Variants in ZNF740 observed in about 807,000 individuals in gnomAD.
ZNF740 encodes zinc finger protein 740.
A neutral mutation model predicts 24.8 loss-of-function variants in ZNF740; 14 were observed. The ratio of observed to expected loss-of-function variants is 0.56; its 90% CI spans 0.37 to 0.88. ZNF740 has a LOEUF of 0.88. Ranked by LOEUF, ZNF740 falls within the 40% of genes least tolerant of loss-of-function variation. The probability of loss-of-function intolerance (pLI) is 0.00; values close to 1 mark genes in which losing one functional copy is unlikely to be tolerated. For missense variants in ZNF740, 201 were observed against 247.9 expected, an observed-to-expected ratio of 0.81 and a Z score of 1.27; for synonymous variants, 69 against 84.0, an observed-to-expected ratio of 0.82 and a Z score of 0.98.
In ZNF740 at chr12:53,193,571, T is replaced by C. The variant is rs1281597957; in HGVS notation, c.*5981T>C. The stretch of plus-strand genomic sequence containing the variant: ...AGGGCCTGGACATACATGGGAAGCT[T>C]CAAGGGATGAAACTGAGTGGGGAGT... On this transcript the variant is annotated 3_prime_UTR_variant, in exon 7 of 7. Coordinates refer to ENST00000416904, the MANE Select transcript of ZNF740 (RefSeq NM_001004304.4). 43 of 844,936 alleles carry C rather than the reference T, an allele frequency of 5.1e-5. No homozygotes were observed. The highest frequency in any genetic ancestry group is 1.7e-5 in the African/African-American group (1 of 57,728). 52.3% of individuals were successfully genotyped at this position (844,936 alleles called of 1,614,324 possible). A position where few individuals can be genotyped will look rare whatever the true frequency, so the allele number is the denominator to read the frequency against.
chr12:53,184,676 A>G (rs1340322734), intron 2 of ZNF740, among the ~76,000 whole-genome samples: 3 of 152,360 alleles, frequency 2.0e-5, no homozygotes, highest in African/African-American at 4.8e-5. Context: ...TACTTGATCT[A>G]TATTTAAATG....
Position 53,191,384 on chromosome 12 carries a change from G to A in ZNF740, c.*3794G>A, listed in dbSNP as rs917591844. 1 of 635,704 alleles carries A rather than the reference G, an allele frequency of 1.6e-6. No individual in the cohort carries two copies. The highest frequency in any genetic ancestry group is 2.8e-6 in the Non-Finnish European group (1 of 350,946). The allele number at this position is 635,704 out of a possible 1,614,324, so 39.4% of individuals were successfully genotyped here. A position where few individuals can be genotyped will look rare whatever the true frequency, so the allele number is the denominator to read the frequency against. On this transcript the variant is annotated 3_prime_UTR_variant, in exon 7 of 7. Coordinates refer to ENST00000416904, the MANE Select transcript of ZNF740 (RefSeq NM_001004304.4). ...AGCCCAGATGGATGCAAGGTTGCAG[G>A]CATGGGAAGCAGCCCTCTTGGGTGT...
chr12:53,184,150 T>TGCACGC (rs1231362349), intron 2 of ZNF740, among the ~76,000 whole-genome samples: 54 of 104,424 alleles, frequency 5.2e-4, no homozygotes, highest in African/African-American at 2.0e-3. Flanking sequence ...TGTGTGTGTG[T>TGCACGC]GCGCGCGCGC....
At position 53,184,971 on chromosome 12, in the gene ZNF740, G is replaced by T. The variant is rs746361598; in HGVS notation, c.90G>T (p.Gln30His). The T allele has an allele frequency of 3.7e-5, 60 of 1,613,948 alleles. No homozygotes were observed. Among genetic ancestry groups the T allele is most frequent in the Non-Finnish European group, 9.3e-6 (11 of 1,179,912 alleles). ...CCAGCAAGAAGATGATGCTGAGCCA[G>T]ATTGCCAGCAAGCAGGCCGAGAATG... is the stretch of plus-strand genomic sequence containing the variant. ...TAASKKMMLSQIASKQAENGE... is the reference protein window; with the variant it reads ...TAASKKMMLSHIASKQAENGE... Residue 30 changes from glutamine to histidine, a missense_variant, in exon 3 of 7, where the codon CAG (glutamine) becomes CAT (histidine). Gln to His is a conservative substitution (Grantham distance 24). Around this residue, in one of 3 missense-constraint regions of ZNF740, gnomAD observed 117 missense variants for 122.3 expected, o/e 0.96. Transcript: ENST00000416904.
In ZNF740 at chr12:53,190,648, C is replaced by T. The variant is rs1035225208; in HGVS notation, c.*3058C>T. On this transcript the variant is annotated 3_prime_UTR_variant, in exon 7 of 7. Coordinates refer to ENST00000416904, the MANE Select transcript of ZNF740 (RefSeq NM_001004304.4). Reference sequence around the variant, plus strand: ...GGCCCTGGGGTTTTATCAACTGTCCCCTTCCTATCCTCCTCTCCACCCTGT... The same window carrying T: ...GGCCCTGGGGTTTTATCAACTGTCCTCTTCCTATCCTCCTCTCCACCCTGT... 1.3e-5 allele frequency: 2 copies of T among 152,310 alleles called. No homozygotes were observed. The highest frequency in any genetic ancestry group is 2.4e-5 in the African/African-American group (1 of 41,388). The allele number at this position is 152,310 out of a possible 1,614,324, so 9.4% of individuals were successfully genotyped here.
chr12:53,187,781 A>G lies in ZNF740; in HGVS notation c.*191A>G. On this transcript the variant is annotated 3_prime_UTR_variant, in exon 7 of 7. Transcript: ENST00000416904. ...TCAGCTCTGTAAATAATCTGAGACT[A>G]TGAGTATCTCGGGGAAGTTCTTACA... is the stretch of plus-strand genomic sequence containing the variant. 1.7e-6 allele frequency: 1 copy of G among 574,932 alleles called. No individual in the cohort carries two copies. Among genetic ancestry groups the G allele is most frequent in the Non-Finnish European group, 3.1e-6 (1 of 319,904 alleles). 35.6% of individuals were successfully genotyped at this position (574,932 alleles called of 1,614,324 possible).
rs1461636892 is a variant in ZNF740, at chr12:53,188,230, G to A, written c.*640G>A. On this transcript the variant is annotated 3_prime_UTR_variant, in exon 7 of 7. Coordinates refer to ENST00000416904, the MANE Select transcript of ZNF740 (RefSeq NM_001004304.4). ...GGGACAAAAGGAAAAACGGGGTGGA[G>A]CAGACAAGGGCTGGATCCAAAAAGT... is the stretch of plus-strand genomic sequence containing the variant. The A allele has an allele frequency of 6.5e-6, 1 of 152,910 alleles. No homozygotes were observed. Among genetic ancestry groups the A allele is most frequent in the African/African-American group, 2.4e-5 (1 of 41,440 alleles). The allele number at this position is 152,910 out of a possible 1,614,324, so 9.5% of individuals were successfully genotyped here.
At chr12:53,182,864 A>G (rs973780167) in intron 2 of ZNF740, among the ~76,000 whole-genome samples, 3 of 152,174 alleles carry the variant, frequency 2.0e-5, no homozygotes, top group Non-Finnish European at 4.4e-5. Context: ...GTAGCATCAG[A>G]TCAGTGTTAT....
chr12:53,182,157 C>T (rs1941669775), intron 2 of ZNF740, 165 bp downstream of exon 2: 5 of 978,218 alleles, frequency 5.1e-6, no homozygotes. Flanking sequence ...GCCACAGCCC[C>T]TGCCTTCAGG....
At chr12:53,185,244 G>T in intron 3 of ZNF740, 143 bp from the exon 4 acceptor site, 1 of 1,139,926 alleles carries the variant, frequency 8.8e-7, no homozygotes, top group Non-Finnish European at 1.2e-6. Context: ...CCAGGTGCTT[G>T]GAGAGGAAAT....
At chr12:53,186,629 C>T (rs1376514195) in intron 6 of ZNF740, 120 bp downstream of exon 6, 1 of 727,528 alleles carries the variant, frequency 1.4e-6, no homozygotes, top group African/African-American at 1.8e-5. Flanking sequence ...ATAGTTAACA[C>T]ATCGGGGTGA....
rs751490879 is a variant in ZNF740, at chr12:53,192,004, G to A, written c.*4414G>A. ...TACGCAGCCCAGCACAATGGCCTGC[G>A]TGTGGTCTGCTCCCTCTGTGAACAA... On this transcript the variant is annotated 3_prime_UTR_variant, in exon 7 of 7. Transcript: ENST00000416904. 66 of 1,612,744 alleles carry A rather than the reference G, an allele frequency of 4.1e-5. No homozygotes were observed. Among genetic ancestry groups the A allele is most frequent in the African/African-American group, 5.3e-5 (4 of 74,836 alleles).
chr12:53,187,032 G>A (rs1197140293), intron 6 of ZNF740, among the ~76,000 whole-genome samples: 1 of 152,164 alleles, frequency 6.6e-6, no homozygotes, highest in African/African-American at 2.4e-5. Context: ...AATGATAATA[G>A]CTAACACTTC....
intron 6 of ZNF740, chr12:53,186,801 GGTAGCT>G (rs1362277359): frequency 3.7e-6 from 1 of 271,204 alleles, no homozygotes; most frequent in Non-Finnish European, 7.2e-6. Flanking sequence ...GACTCCCTAA[GGTAGCT>G]GTATTGTCCT....
chr12:53,181,216 G>C (rs1941614030), intron 1 of ZNF740: 1 of 985,472 alleles, frequency 1.0e-6, no homozygotes, highest in Non-Finnish European at 1.2e-6. Flanking sequence ...TCCGCAGCAA[G>C]TTTCCCTACC....
chr12:53,185,895 C>G (rs1257573288), intron 4 of ZNF740, 59 bp from the exon 5 acceptor site: 1 of 1,594,788 alleles, frequency 6.3e-7, no homozygotes, highest in Non-Finnish European at 8.6e-7. Context: ...CAGAGTAGAA[C>G]AGTGTCTCCA....
chr12:53,184,150 T>TGTGTGTGTGCGTGCGCGCGC (rs59250662), intron 2 of ZNF740, among the ~76,000 whole-genome samples: 1 of 104,346 alleles, frequency 9.6e-6, no homozygotes, highest in African/African-American at 3.7e-5. Flanking sequence ...TGTGTGTGTG[T>TGTGTGTGTGCGTGCGCGCGC]GCGCGCGCGC....
rs1592398299 is a variant in ZNF740 at position 53,193,546 on chromosome 12, A to G, written c.*5956A>G. 4 of 746,770 alleles carry G rather than the reference A, an allele frequency of 5.4e-6. No homozygotes were observed. The highest frequency in any genetic ancestry group is 8.7e-6 in the Non-Finnish European group (4 of 462,344). The allele number at this position is 746,770 out of a possible 1,614,324, so 46.3% of individuals were successfully genotyped here. On this transcript the variant is annotated 3_prime_UTR_variant, in exon 7 of 7. Transcript: ENST00000416904. The stretch of plus-strand genomic sequence containing the variant: ...AGTGGAGGGAGCCCCAGTCAGGGGG[A>G]GGGCCTGGACATACATGGGAAGCTT...
In ZNF740 at chr12:53,193,421, G is replaced by T; in HGVS notation, c.*5831G>T. ...CAGAGGGTTTGATCACCCCTGACTT[G>T]TCTCTCCCAGGAACCTCTAAACCCA... On this transcript the variant is annotated 3_prime_UTR_variant, in exon 7 of 7. Transcript: ENST00000416904. The T allele has an allele frequency of 2.4e-6, 3 of 1,271,210 alleles. No individual in the cohort carries two copies. Among genetic ancestry groups the T allele is most frequent in the Non-Finnish European group, 3.2e-6 (3 of 934,350 alleles). 78.7% of individuals were successfully genotyped at this position (1,271,210 alleles called of 1,614,324 possible).
Sources: allele counts gnomAD v4.1 joint callset (sites outside exome capture counted in the v4.1 genomes callset), GRCh38; gene constraint gnomAD v4.1.1; regional missense constraint gnomAD v4.1.1; transcripts MANE v1.5; gene names NCBI Gene and HGNC (gene_info 2026-07-23, HGNC 2026-07-21).